Variants in PCNX3 observed in about 807,000 individuals in gnomAD.
The protein encoded by PCNX3 is pecanex-like protein 3.
PCNX3 carries 58 observed loss-of-function variants against 207.2 expected under a neutral mutation model. That is an observed-to-expected ratio of 0.28 (90% CI 0.23 to 0.35). The LOEUF (loss-of-function observed/expected upper bound fraction) is 0.35, where lower values mean the gene tolerates loss of function less well. PCNX3 is among the 10% of genes least tolerant of loss of function. The probability of loss-of-function intolerance (pLI) is 1.00; values close to 1 mark genes in which losing one functional copy is unlikely to be tolerated. For missense variants in PCNX3, 2,410 were observed against 2,774.4 expected, an observed-to-expected ratio of 0.87 and a Z score of 2.95; for synonymous variants, 1,337 against 1,183.5, an observed-to-expected ratio of 1.13 and a Z score of -2.66.
intron 12 of PCNX3, 112 bp from the exon 13 acceptor site, chr11:65,623,817 G>T: frequency 4.5e-6 from 7 of 1,556,798 alleles, no homozygotes; most frequent in Non-Finnish European, 4.4e-6. Context: ...ACAGTTCGGG[G>T]GCCTGACCTG....
At chr11:65,620,230 G>A (rs983792775) in intron 8 of PCNX3, 109 bp from the exon 9 acceptor site, 42 of 1,189,076 alleles carry the variant, frequency 3.5e-5, no homozygotes, top group Non-Finnish European at 4.7e-5. Flanking sequence ...CCCTCTCAGA[G>A]GACACAGCAC....
At position 65,617,597 on chromosome 11, in the gene PCNX3, G is replaced by A. The variant is rs766827442; in HGVS notation, c.482-14G>A. On this transcript the variant is annotated splice_polypyrimidine_tract_variant and intron_variant, in intron 4 of 34. Transcript: ENST00000355703. The stretch of plus-strand genomic sequence containing the variant: ...CAGGGGGTCCTGCTGACACCTCTGG[G>A]GCCATGGTTGCAGACATCAAGGAGC... 6.2e-7 allele frequency: 1 copy of A among 1,613,104 alleles called. No individual in the cohort carries two copies. Among genetic ancestry groups the A allele is most frequent in the Admixed American group, 1.7e-5 (1 of 59,800 alleles).
At chr11:65,629,843 G>A in intron 26 of PCNX3, 108 bp downstream of exon 26, 1 of 1,291,062 alleles carries the variant, frequency 7.7e-7, no homozygotes, top group Non-Finnish European at 1.1e-6. Flanking sequence ...TGTCCAGGCT[G>A]GCGGGTGGCC....
rs780262649 is a variant in PCNX3, at chr11:65,636,925, A to G, written c.6052A>G (p.Ile2018Val). 98 of 1,562,960 alleles carry G rather than the reference A, an allele frequency of 6.3e-5. No individual in the cohort carries two copies. Among genetic ancestry groups the G allele is most frequent in the African/African-American group, 8.1e-5 (6 of 73,652 alleles). The change falls in exon 35 of 35, where the codon ATT (isoleucine) becomes GTT (valine). Residue 2018 changes from isoleucine to valine, a missense_variant. Around this residue, in one of 8 missense-constraint regions of PCNX3, gnomAD observed 278 missense variants for 245.1 expected, o/e 1.13. Transcript: ENST00000355703. ...MGALGDWPAP[I>V]EERESPAAQP... is the part of the protein sequence containing the mutation. ...TGCCCTGGGCGACTGGCCTGCCCCT[A>G]TTGAGGAGCGTGAGAGCCCGGCAGC...
chr11:65,616,573 C>T (rs1206028516), intron 1 of PCNX3, 109 bp downstream of exon 1: 4 of 1,330,858 alleles, frequency 3.0e-6, no homozygotes, highest in Non-Finnish European at 4.0e-6. Flanking sequence ...GGAATCACTG[C>T]AGAGTTTGGG....
chr11:65,617,305 C>T lies in PCNX3; in HGVS notation c.397C>T (p.Arg133Cys), dbSNP rs2135395811. Residue 133 changes from arginine (R) to cysteine (C), a missense_variant, in exon 3 of 35, where the codon CGC becomes TGC. By Grantham distance (180) the Arg-to-Cys change is radical (BLOSUM62 -3). Transcript: ENST00000355703. ...FRKVSSTPPV[R>C]CSSQHSVFGF... ...GAAAGTCAGTTCCACACCCCCGGTGCGCTGCAGCTCCCAGCACTCTGTGTT... is the reference window on the plus strand; with the variant it reads ...GAAAGTCAGTTCCACACCCCCGGTGTGCTGCAGCTCCCAGCACTCTGTGTT... 1.2e-6 allele frequency: 2 copies of T among 1,612,092 alleles called. No homozygotes were observed. Among genetic ancestry groups the T allele is most frequent in the Non-Finnish European group, 8.5e-7 (1 of 1,179,194 alleles).
Position 65,630,433 on chromosome 11 carries a change from C to T in PCNX3, c.4299C>T (p.Gly1433=), listed in dbSNP as rs941259348. ...EDEGCCCCEP[G]HLPRVLSFNA... ...AGGGCTGTTGCTGCTGTGAACCTGG[C>T]CACCTGCCACGGGTCCTGTCCTTCA... Residue 1433 remains glycine (G), a synonymous_variant, in exon 27 of 35, where the codon GGC becomes GGT. Transcript: ENST00000355703. The T allele has an allele frequency of 2.5e-6, 4 of 1,613,636 alleles. No homozygotes were observed. Among genetic ancestry groups the T allele is most frequent in the Admixed American group, 3.3e-5 (2 of 60,030 alleles).
Position 65,617,949 on chromosome 11 carries a change from T to C in PCNX3, c.587T>C (p.Leu196Pro). ...LSSQEKLIGDLPQTPPGAVPD... is the reference protein window; with the variant it reads ...LSSQEKLIGDPPQTPPGAVPD... ...CCCTTTATTTTGGCAGTTGGAGACC[T>C]TCCCCAGACGCCTCCAGGGGCTGTC... Residue 196 changes from leucine to proline, a missense_variant, in exon 6 of 35, where the codon CTT (leucine) becomes CCT (proline). Transcript: ENST00000355703. 1 of 1,575,302 alleles carries C rather than the reference T, an allele frequency of 6.3e-7. No individual in the cohort carries two copies. The highest frequency in any genetic ancestry group is 1.1e-5 in the South Asian group (1 of 87,050).
At chr11:65,621,153 G>C (rs1183435411) in intron 10 of PCNX3, among the ~76,000 whole-genome samples, 187 bp downstream of exon 10, 1 of 152,238 alleles carries the variant, frequency 6.6e-6, no homozygotes, top group Non-Finnish European at 1.5e-5. Flanking sequence ...GGGTCTGAAT[G>C]GCTGGAGAAG....
Position 65,635,561 on chromosome 11 carries a change from C to T in PCNX3, c.5217C>T (p.Ala1739=), listed in dbSNP as rs111249366. The T allele has an allele frequency of 8.4e-5, 136 of 1,611,958 alleles. 1 individual carries two copies. The highest frequency in any genetic ancestry group is 8.2e-4 in the Middle Eastern group (5 of 6,062). Residue 1739 remains alanine, a synonymous_variant, in exon 32 of 35, where the codon GCC becomes GCT. Transcript: ENST00000355703. The surrounding 1 kb of genome is among the most constrained non-coding windows in gnomAD (Gnocchi z 9.9). ...GGGAGTGCGTGCGCGGCCTGTGGGCCGGGCAGCAGCAGGAGCTGGTGTTCC... is the reference window on the plus strand; with the variant it reads ...GGGAGTGCGTGCGCGGCCTGTGGGCTGGGCAGCAGCAGGAGCTGGTGTTCC... ...VNRECVRGLW[A]GQQQELVFLR...
rs185937268 is a variant in PCNX3 at position 65,620,005 on chromosome 11, G to A, written c.2008+73G>A. Reference sequence around the variant, plus strand: ...CAACAGCCTGAGTCCTCCTAGCAGTGGTGCTCGCTCGGCCCTGTGGCAGGT... The same window carrying A: ...CAACAGCCTGAGTCCTCCTAGCAGTAGTGCTCGCTCGGCCCTGTGGCAGGT... On this transcript the variant is annotated intron_variant, in intron 8 of 34. Coordinates refer to ENST00000355703, the MANE Select transcript of PCNX3 (RefSeq NM_032223.4). The A allele has an allele frequency of 1.3e-3, 1,838 of 1,455,254 alleles. 3 individuals are homozygous for A. Among genetic ancestry groups the A allele is most frequent in the Non-Finnish European group, 1.6e-3 (1,758 of 1,081,656 alleles). 90.1% of individuals were successfully genotyped at this position (1,455,254 alleles called of 1,614,324 possible).
rs760326704 is a variant in PCNX3 at position 65,620,388 on chromosome 11, C to T, written c.2058C>T (p.Asn686=). 3.1e-6 allele frequency: 5 copies of T among 1,613,466 alleles called. No individual in the cohort carries two copies. In the South Asian group the frequency reaches 4.4e-5, roughly 14 times the overall value. ...GCCTGGCTGGAGGCGGCTACGAGAA[C>T]CCTGTAGGGCAGCAAGGGGAGCAGA... ...TFGLAGGGYE[N]PVGQQGEQTA... The change falls in exon 9 of 35, where the codon AAC becomes AAT. Residue 686 remains asparagine (N), a synonymous_variant. Transcript: ENST00000355703.
In PCNX3 at chr11:65,634,167, G is replaced by A. The variant is rs1315613242; in HGVS notation, c.4512G>A (p.Val1504=). 12 of 1,613,290 alleles carry A rather than the reference G, an allele frequency of 7.4e-6. No homozygotes were observed. The South Asian group carries it at 1.2e-4, about 16-fold the overall frequency. ...YYVSRSPKLE[V]WLSHEGITAA... ...TGAGCCGCTCACCAAAGCTGGAGGT[G>A]TGGCTCAGCCATGAGGGCATCACGG... The change falls in exon 28 of 35, where the codon GTG becomes GTA. Residue 1504 remains valine (V), a synonymous_variant. Transcript: ENST00000355703.
In PCNX3 at chr11:65,625,870, C is replaced by T. The variant is rs767746671; in HGVS notation, c.3229-34C>T. On this transcript the variant is annotated intron_variant, in intron 19 of 34. Transcript: ENST00000355703. This position sits in a 1 kb window ranked among gnomAD's most constrained non-coding sequence, Gnocchi z 5.6. ...CCTCTGTGGTCCCTTGGCCTGCTCCCATCAGCTGAGTCTCTGGCCTCTCCC... is the reference window on the plus strand; with the variant it reads ...CCTCTGTGGTCCCTTGGCCTGCTCCTATCAGCTGAGTCTCTGGCCTCTCCC... 6.2e-7 allele frequency: 1 copy of T among 1,605,970 alleles called. No homozygotes were observed. Among genetic ancestry groups the T allele is most frequent in the Non-Finnish European group, 8.5e-7 (1 of 1,175,382 alleles).
Position 65,617,519 on chromosome 11 carries a change from T to C in PCNX3, c.481+10T>C, listed in dbSNP as rs372060575. 6 of 1,613,982 alleles carry C rather than the reference T, an allele frequency of 3.7e-6. No homozygotes were observed. The highest frequency in any genetic ancestry group is 5.1e-6 in the Non-Finnish European group (6 of 1,179,894). ...TCTGGGCCCCTTAGAGGTAGGTGGCTGCTCTTCAGGGTTGGAGCATAGTGC... is the reference window on the plus strand; with the variant it reads ...TCTGGGCCCCTTAGAGGTAGGTGGCCGCTCTTCAGGGTTGGAGCATAGTGC... On this transcript the variant is annotated intron_variant, in intron 4 of 34. Coordinates refer to ENST00000355703, the MANE Select transcript of PCNX3 (RefSeq NM_032223.4).
rs200861190 is a variant in PCNX3, at chr11:65,617,920, G to C, written c.578-20G>C. ...GCAGAAAACCCTTTTTTCATTTTCT[G>C]TTTCCCTTTATTTTGGCAGTTGGAG... On this transcript the variant is annotated intron_variant, in intron 5 of 34. Transcript: ENST00000355703. 1.6e-3 allele frequency: 2,457 copies of C among 1,560,872 alleles called. 2 individuals are homozygous for C. Among genetic ancestry groups the C allele is most frequent in the Non-Finnish European group, 1.9e-3 (2,187 of 1,156,112 alleles).
rs1855881808 is a variant in PCNX3, at chr11:65,637,089, G to A, written c.*111G>A. The A allele has an allele frequency of 8.0e-7, 1 of 1,247,186 alleles. No individual in the cohort carries two copies. The highest frequency in any genetic ancestry group is 2.2e-5 in the Admixed American group (1 of 45,034). 77.3% of individuals were successfully genotyped at this position (1,247,186 alleles called of 1,614,324 possible). On this transcript the variant is annotated 3_prime_UTR_variant, in exon 35 of 35. Coordinates refer to ENST00000355703, the MANE Select transcript of PCNX3 (RefSeq NM_032223.4). ...GCTTTGGCCTACATGTCTGAACCCT[G>A]ACCTTTGGCTGCCTTGGCCAGAGTA...
intron 27 of PCNX3, 115 bp from the exon 28 acceptor site, chr11:65,634,011 A>G: frequency 1.0e-6 from 1 of 970,480 alleles, no homozygotes; most frequent in Non-Finnish European, 1.5e-6. Context: ...GGAGCGGGGC[A>G]TCCCAGAAAG....
In PCNX3 at chr11:65,617,517, G is replaced by A; in HGVS notation, c.481+8G>A. On this transcript the variant is annotated splice_region_variant and intron_variant, in intron 4 of 34. Transcript: ENST00000355703. ...ACTCTGGGCCCCTTAGAGGTAGGTGGCTGCTCTTCAGGGTTGGAGCATAGT... is the reference window on the plus strand; with the variant it reads ...ACTCTGGGCCCCTTAGAGGTAGGTGACTGCTCTTCAGGGTTGGAGCATAGT... 1.2e-6 allele frequency: 2 copies of A among 1,613,972 alleles called. No individual in the cohort carries two copies. The highest frequency in any genetic ancestry group is 1.7e-6 in the Non-Finnish European group (2 of 1,179,884).
Sources: allele counts gnomAD v4.1 joint callset (sites outside exome capture counted in the v4.1 genomes callset), GRCh38; gene constraint gnomAD v4.1.1; regional missense constraint gnomAD v4.1.1; non-coding constraint Gnocchi (gnomAD v3.1); transcripts MANE v1.5; gene names NCBI Gene and HGNC (gene_info 2026-07-23, HGNC 2026-07-21).